The following FAAH2 variants were observed in gnomAD, a reference collection of about 807,000 sequenced individuals.
FAAH2 encodes fatty-acid amide hydrolase 2.
Under a neutral mutation model 36.9 loss-of-function variants are expected in FAAH2, and 60 were observed. The observed-to-expected ratio is 1.63, with a 90% CI of 1.32 to 2.02. The LOEUF (loss-of-function observed/expected upper bound fraction) is 2.02, where lower values mean the gene tolerates loss of function less well. FAAH2 is among the 30% of genes most tolerant of loss of function. The pLI is 0.00. For synonymous variants in FAAH2, 214 were observed against 143.8 expected (o/e 1.49, Z -3.49); for missense variants, 689 against 397.5 (o/e 1.73, Z -6.23).
At chrX:57,143,057 C>A in the FAAH2 span, among the ~76,000 whole-genome samples, 1 of 111,188 alleles carries the variant, frequency 9.0e-6, no homozygotes, top group African/African-American at 3.3e-5. Context: ...TTTTTTGATT[C>A]ATTCAGCCAC....
the FAAH2 span, among the ~76,000 whole-genome samples, chrX:57,216,866 C>A: frequency 9.3e-6 from 1 of 107,405 alleles, no homozygotes; most frequent in East Asian, 3.0e-4. Flanking sequence ...TCCATAGCAG[C>A]TGCACTAGTT....
the FAAH2 span, among the ~76,000 whole-genome samples, chrX:57,157,710 A>C: frequency 8.9e-5 from 10 of 112,172 alleles, no homozygotes. Flanking sequence ...GTTCTTACAA[A>C]GGTATTTTTT....
chrX:57,444,119 C>G lies in FAAH2; in HGVS notation c.1117-2809C>G, dbSNP rs187531891. ...GATCTCAAACTGCATGCTGGGAGAA[C>G]CAGTACTCTCTTCAAAGCTGTCAGA... On this transcript the variant is annotated intron_variant, in intron 8 of 10. Transcript: ENST00000374900. Among the ~76,000 whole-genome samples, 386 of 112,040 alleles carry G rather than the reference C, an allele frequency of 3.4e-3. 3 individuals carry two copies. Among genetic ancestry groups the G allele is most frequent in the African/African-American group, 0.012 (373 of 30,945 alleles).
chrX:57,364,547 C>G, intron 5 of FAAH2, among the ~76,000 whole-genome samples: 1 of 104,401 alleles, frequency 9.6e-6, no homozygotes. Flanking sequence ...ATGGATTTTG[C>G]TATCTAGATT....
chrX:57,258,709 C>CT, the FAAH2 span, among the ~76,000 whole-genome samples: 5,782 of 87,777 alleles, frequency 0.066, 571 homozygotes, highest in African/African-American at 0.25. Flanking sequence ...TTTTTGTTGC[C>CT]TTTTTTTTTT....
intron 7 of FAAH2, among the ~76,000 whole-genome samples, chrX:57,414,850 C>CTTTTTT (rs760473454): frequency 1.7e-5 from 1 of 57,876 alleles, no homozygotes; most frequent in Non-Finnish European, 3.4e-5. Context: ...TTGTCCTGGG[C>CTTTTTT]TTTTTTTTTT....
At chrX:57,141,581 G>T in the FAAH2 span, among the ~76,000 whole-genome samples, 1 of 111,080 alleles carries the variant, frequency 9.0e-6, no homozygotes, top group East Asian at 2.8e-4. Flanking sequence ...ATTGATGGGA[G>T]ATATTTTATT....
At chrX:57,276,673 G>T in the FAAH2 span, among the ~76,000 whole-genome samples, 3 of 111,158 alleles carry the variant, frequency 2.7e-5, no homozygotes, top group African/African-American at 6.5e-5. Context: ...TTGACAGACT[G>T]CTAGCAAGAC....
chrX:57,223,080 G>C, the FAAH2 span, among the ~76,000 whole-genome samples: 1 of 112,116 alleles, frequency 8.9e-6, no homozygotes, highest in African/African-American at 3.2e-5. Context: ...ACTCACACTC[G>C]TCCATCTGGA....
chrX:57,200,835 C>T, the FAAH2 span, among the ~76,000 whole-genome samples: 2 of 111,257 alleles, frequency 1.8e-5, no homozygotes, highest in African/African-American at 6.5e-5. Context: ...TTCTATTTTT[C>T]TTTTTACTTA....
intron 5 of FAAH2, among the ~76,000 whole-genome samples, chrX:57,362,847 G>A (rs1303470110): frequency 1.8e-5 from 2 of 111,651 alleles, no homozygotes; most frequent in African/African-American, 6.5e-5. Context: ...ATTCCCCATT[G>A]CTTGTTATTG....
chrX:57,241,848 C>T, the FAAH2 span, among the ~76,000 whole-genome samples: 1 of 111,302 alleles, frequency 9.0e-6, no homozygotes, highest in East Asian at 2.8e-4. Context: ...CCGGAACTCA[C>T]CACAGCACAG....
chrX:57,185,103 T>A, the FAAH2 span, among the ~76,000 whole-genome samples: 2 of 111,348 alleles, frequency 1.8e-5, no homozygotes, highest in Non-Finnish European at 3.8e-5. Flanking sequence ...ACTCTTTTAG[T>A]CATCTTTAAA....
intron 1 of FAAH2, among the ~76,000 whole-genome samples, chrX:57,288,679 C>T (rs1439478041): frequency 9.0e-6 from 1 of 110,804 alleles, no homozygotes; most frequent in South Asian, 3.8e-4. Flanking sequence ...TTTTGTGTCT[C>T]TGATGTCCTT....
chrX:57,177,355 G>A, the FAAH2 span, among the ~76,000 whole-genome samples: 1 of 107,009 alleles, frequency 9.3e-6, no homozygotes, highest in African/African-American at 3.4e-5. Context: ...TCCAAGTAGA[G>A]AAAGATTGTG....
At chrX:57,188,585 C>T in the FAAH2 span, among the ~76,000 whole-genome samples, 98 of 109,949 alleles carry the variant, frequency 8.9e-4, no homozygotes, top group African/African-American at 2.9e-3. Flanking sequence ...AGTTATTTCT[C>T]GTCTTCTGCT....
chrX:57,459,658 C>T (rs747051625), intron 10 of FAAH2, among the ~76,000 whole-genome samples: 48 of 112,468 alleles, frequency 4.3e-4, no homozygotes, highest in Non-Finnish European at 8.5e-4. Context: ...AAGCAGGCAG[C>T]AATCTTTGCT....
Position 57,468,893 on chromosome X carries a change from G to A in FAAH2, c.1424-19864G>A, listed in dbSNP as rs781301254. Among the ~76,000 whole-genome samples, 173 of 112,015 alleles carry A rather than the reference G, an allele frequency of 1.5e-3. 2 individuals are homozygous for A. The highest frequency in any genetic ancestry group is 4.9e-3 in the African/African-American group (152 of 30,869). ...AAAGAAAGCCCATCAGACTAACAGCGGATCTCTCAGCAGAAACTCTACAAA... is the reference window on the plus strand; with the variant it reads ...AAAGAAAGCCCATCAGACTAACAGCAGATCTCTCAGCAGAAACTCTACAAA... On this transcript the variant is annotated intron_variant, in intron 10 of 10. Transcript: ENST00000374900.
intron 2 of FAAH2, among the ~76,000 whole-genome samples, chrX:57,305,109 T>A (rs577806340): frequency 9.1e-6 from 1 of 110,390 alleles, no homozygotes; most frequent in South Asian, 3.9e-4. Context: ...CATGTAGTTA[T>A]AAATATACTT....
Sources: allele counts gnomAD v4.1 joint callset (sites outside exome capture counted in the v4.1 genomes callset), GRCh38; gene constraint gnomAD v4.1.1; transcripts MANE v1.5; gene names NCBI Gene and HGNC (gene_info 2026-07-23, HGNC 2026-07-21).